Variants in MAP3K5 observed in about 807,000 individuals in gnomAD.
The protein encoded by MAP3K5 is ASK-1.
MAP3K5 carries 56 observed loss-of-function variants against 158.7 expected under a neutral mutation model. That is an observed-to-expected ratio of 0.35 (90% confidence interval 0.28 to 0.44). The LOEUF (loss-of-function observed/expected upper bound fraction) is 0.44, where lower values mean the gene tolerates loss of function less well. Ranked by LOEUF, MAP3K5 falls within the 20% of genes least tolerant of loss-of-function variation. MAP3K5 has a pLI of 1.00. For missense variants in MAP3K5, 1,294 were observed against 1,674.8 expected (o/e 0.77, Z 3.97); for synonymous variants, 579 against 601.7 (o/e 0.96, Z 0.55).
intron 1 of MAP3K5, among the ~76,000 whole-genome samples, chr6:136,769,680 C>T (rs957989974): frequency 4.8e-5 from 7 of 146,630 alleles, no homozygotes; most frequent in Non-Finnish European, 6.0e-5. Context: ...TTATCCCTAA[C>T]GTCTGGCACT....
chr6:136,705,295 T>G (rs935608396), intron 2 of MAP3K5, among the ~76,000 whole-genome samples, 162 bp from the exon 3 acceptor site: 2 of 152,174 alleles, frequency 1.3e-5, no homozygotes, highest in African/African-American at 4.8e-5. Context: ...GTTTTCTATC[T>G]ATCTACCTAC....
intron 1 of MAP3K5, among the ~76,000 whole-genome samples, chr6:136,725,708 T>C (rs1168053894): frequency 6.6e-6 from 1 of 152,238 alleles, no homozygotes; most frequent in African/African-American, 2.4e-5. Context: ...TTAAGTCCAG[T>C]TCATCAACTT....
chr6:136,654,580 G>A (rs1452188470), intron 10 of MAP3K5, among the ~76,000 whole-genome samples: 1 of 152,090 alleles, frequency 6.6e-6, no homozygotes, highest in Non-Finnish European at 1.5e-5. Context: ...CCAAATAGCT[G>A]GGATTACAGG....
intron 1 of MAP3K5, among the ~76,000 whole-genome samples, chr6:136,788,604 C>A (rs1381654703): frequency 6.6e-6 from 1 of 152,180 alleles, no homozygotes; most frequent in Non-Finnish European, 1.5e-5. Context: ...TGAACAGACA[C>A]TTCTCAGAAG....
At chr6:136,596,407 G>A (rs569932087) in intron 21 of MAP3K5, among the ~76,000 whole-genome samples, 121 of 152,322 alleles carry the variant, frequency 7.9e-4, no homozygotes, top group Non-Finnish European at 1.5e-3. Flanking sequence ...CAGTGATCGC[G>A]TGGAAGGGGA....
chr6:136,738,028 T>C (rs7747030), intron 1 of MAP3K5, among the ~76,000 whole-genome samples: 19,011 of 152,116 alleles, frequency 0.12, 4,016 homozygotes, highest in African/African-American at 0.43. Context: ...ATTGCTCCAC[T>C]ACCTAAGAAT....
chr6:136,732,080 T>A lies in MAP3K5; in HGVS notation c.449-11491A>T, dbSNP rs962330954. 2.0e-5 allele frequency among the ~76,000 whole-genome samples: 3 copies of A among 152,164 alleles called. No homozygotes were observed. In the South Asian group the frequency reaches 6.2e-4, roughly 32 times the overall value. On this transcript the variant is annotated intron_variant, in intron 1 of 29. Coordinates refer to ENST00000359015, the MANE Select transcript of MAP3K5 (RefSeq NM_005923.4). ...GATGAGACAGATGGGTTGGGTTCTA[T>A]GACAGAGGAGAAAAGTCAACCATGG...
At chr6:136,670,940 C>T (rs541563507) in intron 7 of MAP3K5, among the ~76,000 whole-genome samples, 1 of 152,178 alleles carries the variant, frequency 6.6e-6, no homozygotes, top group East Asian at 1.9e-4. Context: ...AAAGTATATA[C>T]ACCTAGACTA....
chr6:136,723,414 T>C (rs1406885125), intron 1 of MAP3K5, among the ~76,000 whole-genome samples: 6 of 152,112 alleles, frequency 3.9e-5, no homozygotes, highest in African/African-American at 1.4e-4. Context: ...ATTATGATGT[T>C]TACATTCATG....
chr6:136,617,737 C>T (rs1776628235), intron 15 of MAP3K5, among the ~76,000 whole-genome samples: 1 of 152,088 alleles, frequency 6.6e-6, no homozygotes, highest in Admixed American at 6.5e-5. Flanking sequence ...AGTTCAAGAC[C>T]AGCCTGGCCA....
intron 7 of MAP3K5, among the ~76,000 whole-genome samples, chr6:136,674,790 T>C (rs1034129596): frequency 6.6e-6 from 1 of 151,916 alleles, no homozygotes; most frequent in Non-Finnish European, 1.5e-5. Context: ...TCCAAAACTT[T>C]TTGAGTGCCA....
chr6:136,717,942 C>T (rs574434102), intron 2 of MAP3K5, among the ~76,000 whole-genome samples: 2 of 152,270 alleles, frequency 1.3e-5, no homozygotes, highest in South Asian at 4.1e-4. Flanking sequence ...TAGGAAAACT[C>T]AGGAGGCATA....
intron 1 of MAP3K5, among the ~76,000 whole-genome samples, chr6:136,724,388 A>T (rs1781871231): frequency 6.6e-6 from 1 of 151,792 alleles, no homozygotes; most frequent in African/African-American, 2.4e-5. Flanking sequence ...AGCTGGGATT[A>T]CAGGGTGCAC....
chr6:136,570,715 T>G (rs1774324162), intron 25 of MAP3K5, among the ~76,000 whole-genome samples: 1 of 152,200 alleles, frequency 6.6e-6, no homozygotes, highest in Non-Finnish European at 1.5e-5. Context: ...TTCAGTAGTG[T>G]TAAGTATACT....
intron 14 of MAP3K5, among the ~76,000 whole-genome samples, chr6:136,635,521 A>G (rs1777582085): frequency 6.6e-6 from 1 of 152,144 alleles, no homozygotes; most frequent in Admixed American, 6.5e-5. Context: ...AAAGAGGCTT[A>G]GGCTTAACTA....
intron 19 of MAP3K5, among the ~76,000 whole-genome samples, chr6:136,602,509 C>G (rs6932421): frequency 6.6e-6 from 1 of 152,094 alleles, no homozygotes; most frequent in African/African-American, 2.4e-5. Flanking sequence ...TTTGCCATGT[C>G]GCACAGGCTG....
chr6:136,677,379 T>C (rs1157917768), intron 7 of MAP3K5, among the ~76,000 whole-genome samples: 1 of 152,092 alleles, frequency 6.6e-6, no homozygotes, highest in East Asian at 1.9e-4. Context: ...CCTCGTGATC[T>C]GCCTGCCTTG....
chr6:136,596,149 C>A (rs1775620478), intron 21 of MAP3K5, among the ~76,000 whole-genome samples: 1 of 152,056 alleles, frequency 6.6e-6, no homozygotes, highest in Non-Finnish European at 1.5e-5. Context: ...AGACCCGGCC[C>A]TTAAGAATGC....
In MAP3K5 at chr6:136,592,247, G is replaced by T; in HGVS notation, c.3151C>A (p.Arg1051=). ...GTCAGGATCCTGTGAAGGGTAGCTC[G>T]CCTCTCACTGTCCTTCCTCAGCATG... ...FFMLRKDSER[R]ATLHRILTED... is the part of the protein sequence containing the mutation. Residue 1051 remains arginine, a synonymous_variant, in exon 23 of 30, where the codon CGA becomes AGA. Transcript: ENST00000359015. 6.2e-7 allele frequency: 1 copy of T among 1,612,246 alleles called. No individual in the cohort carries two copies. The highest frequency in any genetic ancestry group is 8.5e-7 in the Non-Finnish European group (1 of 1,179,198).
Sources: gnomAD v4.1 joint callset for allele counts (sites outside exome capture counted in the v4.1 genomes callset) on GRCh38, gnomAD v4.1.1 for gene constraint, MANE v1.5 for transcripts, NCBI Gene and HGNC (gene_info 2026-07-23, HGNC 2026-07-21) for gene names.